The following ZNF738 variants were observed in gnomAD, a reference collection of about 807,000 sequenced individuals.
The protein encoded by ZNF738 is protein ZNF738.
Under a neutral mutation model 9.2 loss-of-function variants are expected in ZNF738, and 10 were observed. That is an observed-to-expected ratio of 1.09 (90% CI 0.67 to 1.85). The LOEUF is 1.85. Ranked by LOEUF, ZNF738 falls within the 40% of genes most tolerant of loss-of-function variation. The probability of loss-of-function intolerance (pLI) is 0.00; values close to 1 mark genes in which losing one functional copy is unlikely to be tolerated. For missense variants in ZNF738, 346 were observed against 283.6 expected (o/e 1.22, Z -1.58); for synonymous variants, 113 against 94.5 (o/e 1.20, Z -1.14).
At chr19:21,376,138 A>G (rs1215856379) in intron 4 of ZNF738, 174 bp downstream of exon 4, 2 of 442,490 alleles carry the variant, frequency 4.5e-6, no homozygotes, top group Non-Finnish European at 8.4e-6. Context: ...TGTTACTGTC[A>G]CATAGGGCCA....
chr19:21,363,862 C>T lies in ZNF738; in HGVS notation c.96+2004C>T, dbSNP rs1973734999. Reference sequence around the variant, plus strand: ...GATAACGGTCCCACTGCACTCCAGACTGGGTGACAGTGAGACTCCATTTAA... The same window carrying T: ...GATAACGGTCCCACTGCACTCCAGATTGGGTGACAGTGAGACTCCATTTAA... On this transcript the variant is annotated intron_variant, in intron 2 of 4. Coordinates refer to ENST00000683779, the MANE Select transcript of ZNF738 (RefSeq NM_001355237.2). Among the ~76,000 whole-genome samples the T allele has an allele frequency of 4.5e-5, 4 of 89,604 alleles. No homozygotes were observed. In the South Asian group the frequency reaches 1.6e-3, roughly 36 times the overall value. 58.8% of individuals were successfully genotyped at this position (89,604 alleles called of 152,430 possible). A position where few individuals can be genotyped will look rare whatever the true frequency, so the allele number is the denominator to read the frequency against.
intron 2 of ZNF738, among the ~76,000 whole-genome samples, chr19:21,373,483 G>C (rs764722893): frequency 2.0e-5 from 3 of 152,160 alleles, no homozygotes; most frequent in Non-Finnish European, 4.4e-5. Context: ...TTCCATTACT[G>C]TAGCAGAAAT....
rs1160309822 is a variant in ZNF738, at chr19:21,384,717, A to G, written c.*1043A>G. On this transcript the variant is annotated 3_prime_UTR_variant, in exon 5 of 5. Transcript: ENST00000683779. ...TTTTAACCAGTCCTCAACTCTTACT[A>G]GACATAAGAGAGTTCATACTGGAGA... Among the ~76,000 whole-genome samples the G allele has an allele frequency of 7.2e-6, 1 of 138,656 alleles. No homozygotes were observed. Among genetic ancestry groups the G allele is most frequent in the Non-Finnish European group, 1.6e-5 (1 of 62,252 alleles). 91.0% of individuals were successfully genotyped at this position (138,656 alleles called of 152,430 possible). A position where few individuals can be genotyped will look rare whatever the true frequency, so the allele number is the denominator to read the frequency against.
intron 2 of ZNF738, 24 bp from the exon 3 acceptor site, chr19:21,375,214 T>TGTGC: frequency 2.7e-6 from 2 of 735,136 alleles, no homozygotes; most frequent in East Asian, 7.8e-5. Flanking sequence ...CTTGTAAATA[T>TGTGC]GTGTGTGTGT....
At chr19:21,364,769 G>A (rs980306637) in intron 2 of ZNF738, among the ~76,000 whole-genome samples, 2 of 146,104 alleles carry the variant, frequency 1.4e-5, no homozygotes, top group African/African-American at 2.5e-5. Flanking sequence ...TTTTTTGAGA[G>A]GGAGTCTTGC....
chr19:21,375,682 T>C (rs1234999683), intron 3 of ZNF738, among the ~76,000 whole-genome samples, 187 bp from the exon 4 acceptor site: 1 of 152,166 alleles, frequency 6.6e-6, no homozygotes, highest in Non-Finnish European at 1.5e-5. Flanking sequence ...TCATGAGCAC[T>C]GAGTAGCAAA....
intron 2 of ZNF738, among the ~76,000 whole-genome samples, chr19:21,370,262 T>C (rs1246727741): frequency 6.6e-6 from 1 of 152,246 alleles, no homozygotes; most frequent in Non-Finnish European, 1.5e-5. Flanking sequence ...CATTAGCTTT[T>C]TGATGTTCTC....
chr19:21,375,124 G>A (rs1973908029), intron 2 of ZNF738, 114 bp from the exon 3 acceptor site: 1 of 585,080 alleles, frequency 1.7e-6, no homozygotes, highest in Admixed American at 3.1e-5. Flanking sequence ...GATGATTTCA[G>A]TTATTCCTGT....
intron 2 of ZNF738, among the ~76,000 whole-genome samples, chr19:21,368,735 CAG>C (rs1368535684): frequency 6.6e-6 from 1 of 151,998 alleles, no homozygotes; most frequent in Non-Finnish European, 1.5e-5. Flanking sequence ...GGATTACAGA[CAG>C]AAGCCAAAGC....
At chr19:21,376,821 G>A (rs951751685) in intron 4 of ZNF738, among the ~76,000 whole-genome samples, 7 of 151,398 alleles carry the variant, frequency 4.6e-5, no homozygotes, top group Admixed American at 4.6e-4. Context: ...ACTACACCCA[G>A]CCTTTTTTTC....
chr19:21,377,396 G>A (rs778943345), intron 4 of ZNF738: 1 of 701,376 alleles, frequency 1.4e-6, no homozygotes, highest in South Asian at 1.5e-5. Context: ...CAGAAAGTGG[G>A]GTATTGAAAT....
At chr19:21,381,512 G>A (rs894817039) in intron 4 of ZNF738, 22 of 892,620 alleles carry the variant, frequency 2.5e-5, no homozygotes, top group African/African-American at 5.1e-5. Context: ...TTTTTTTTTC[G>A]AGATGGAGTC....
chr19:21,370,509 G>A (rs185994280), intron 2 of ZNF738, among the ~76,000 whole-genome samples: 53 of 152,206 alleles, frequency 3.5e-4, no homozygotes, highest in Non-Finnish European at 1.0e-4. Flanking sequence ...AAATTTTTCT[G>A]ATTCTTTGTT....
At position 21,384,715 on chromosome 19, in the gene ZNF738, C is replaced by T. The variant is rs1438096586; in HGVS notation, c.*1041C>T. ...GCTTTTAACCAGTCCTCAACTCTTA[C>T]TAGACATAAGAGAGTTCATACTGGA... is the stretch of plus-strand genomic sequence containing the variant. On this transcript the variant is annotated 3_prime_UTR_variant, in exon 5 of 5. Transcript: ENST00000683779. 7.1e-6 allele frequency among the ~76,000 whole-genome samples: 1 copy of T among 140,384 alleles called. No homozygotes were observed. Among genetic ancestry groups the T allele is most frequent in the South Asian group, 2.3e-4 (1 of 4,428 alleles). The allele number at this position is 140,384 out of a possible 152,430, so 92.1% of individuals were successfully genotyped here. A position where few individuals can be genotyped will look rare whatever the true frequency, so the allele number is the denominator to read the frequency against.
intron 2 of ZNF738, among the ~76,000 whole-genome samples, chr19:21,368,042 C>T (rs2358988): frequency 0.57 from 86,776 of 151,706 alleles, 24,617 homozygotes; most frequent in Middle Eastern, 0.69. Context: ...CCACTATCTG[C>T]AGAACAAACA....
Position 21,383,210 on chromosome 19 carries a change from C to A in ZNF738, c.664C>A (p.His222Asn). Reference protein sequence around the residue: ...SFCMLLHLGQHKIIHIRENSY... With the variant: ...SFCMLLHLGQNKIIHIRENSY... ...TTGCATGCTTTTACACCTAGGTCAA[C>A]ATAAAATAATTCATATTAGAGAGAA... Residue 222 changes from histidine to asparagine, a missense_variant, in exon 5 of 5, where the codon CAT becomes AAT. His to Asn is a moderately conservative substitution (Grantham distance 68). Coordinates refer to ENST00000683779, the MANE Select transcript of ZNF738 (RefSeq NM_001355237.2). 1 of 1,597,536 alleles carries A rather than the reference C, an allele frequency of 6.3e-7. No homozygotes were observed.
At position 21,387,777 on chromosome 19, in the gene ZNF738, T is replaced by G. The variant is rs1599722749; in HGVS notation, c.*4103T>G. The stretch of plus-strand genomic sequence containing the variant: ...ATATTGAAGATGGACATTACAAACA[T>G]AAAGAGGGTTGTAGTACCTTTACTT... On this transcript the variant is annotated 3_prime_UTR_variant, in exon 5 of 5. Transcript: ENST00000683779. Among the ~76,000 whole-genome samples the G allele has an allele frequency of 6.6e-6, 1 of 152,092 alleles. No individual in the cohort carries two copies. The highest frequency in any genetic ancestry group is 1.5e-5 in the Non-Finnish European group (1 of 68,036).
chr19:21,378,501 A>G lies in ZNF738; in HGVS notation c.319+2537A>G, dbSNP rs565171583. Reference sequence around the variant, plus strand: ...ATGGTATTATACTCACTTGATAACTATTTTCTTCAGATTTCACTATATCAC... The same window carrying G: ...ATGGTATTATACTCACTTGATAACTGTTTTCTTCAGATTTCACTATATCAC... On this transcript the variant is annotated intron_variant, in intron 4 of 4. Transcript: ENST00000683779. The G allele has an allele frequency of 4.7e-4, 105 of 224,568 alleles. 1 individual carries two copies. The South Asian group carries it at 4.8e-3, about 10-fold the overall frequency. 13.9% of individuals were successfully genotyped at this position (224,568 alleles called of 1,614,324 possible).
chr19:21,371,028 G>A (rs1224733304), intron 2 of ZNF738, among the ~76,000 whole-genome samples: 1 of 152,182 alleles, frequency 6.6e-6, no homozygotes, highest in Non-Finnish European at 1.5e-5. Context: ...GGCTCCTGGT[G>A]TAAATAGAAT....
Sources: allele counts gnomAD v4.1 joint callset (sites outside exome capture counted in the v4.1 genomes callset), GRCh38; gene constraint gnomAD v4.1.1; transcripts MANE v1.5; gene names NCBI Gene and HGNC (gene_info 2026-07-23, HGNC 2026-07-21).